MBNL2: variants seen among roughly 807,000 people sequenced by gnomAD.
The protein encoded by MBNL2 is muscleblind-like protein 2.
A neutral mutation model predicts 41.9 loss-of-function variants in MBNL2; 17 were observed. The ratio of observed to expected loss-of-function variants is 0.41; its 90% CI spans 0.28 to 0.61. The LOEUF is 0.61. MBNL2 is among the 20% of genes least tolerant of loss of function. The probability of loss-of-function intolerance (pLI) is 0.35; values close to 1 mark genes in which losing one functional copy is unlikely to be tolerated. For missense variants in MBNL2, 336 were observed against 505.6 expected (o/e 0.66, Z 3.22); for synonymous variants, 195 against 182.9 (o/e 1.07, Z -0.53).
rs1354368983 is a variant in MBNL2 at position 97,391,711 on chromosome 13, T to C, written c.*262T>C. 3.0e-6 allele frequency: 1 copy of C among 330,884 alleles called. No homozygotes were observed. The highest frequency in any genetic ancestry group is 5.1e-5 in the Admixed American group (1 of 19,448). The allele number at this position is 330,884 out of a possible 1,614,324, so 20.5% of individuals were successfully genotyped here. On this transcript the variant is annotated 3_prime_UTR_variant, in exon 9 of 9. Coordinates refer to ENST00000679496, the MANE Select transcript of MBNL2 (RefSeq NM_001382683.1). Reference sequence around the variant, plus strand: ...GTCCAGCCAGTTTACTCATTTCGATTCAGAATATTTCAAATTTAGCAATAA... The same window carrying C: ...GTCCAGCCAGTTTACTCATTTCGATCCAGAATATTTCAAATTTAGCAATAA...
In MBNL2 at chr13:97,255,203, G is replaced by A. The variant is rs1160468751; in HGVS notation, c.-604-20429G>A. On this transcript the variant is annotated intron_variant, in intron 1 of 8. Coordinates refer to ENST00000679496, the MANE Select transcript of MBNL2 (RefSeq NM_001382683.1). ...AAGTTTTTCCACTGAAGCACCCTTA[G>A]AGCAGAGCAGAGTTAGAAGAACTGA... is the stretch of plus-strand genomic sequence containing the variant. Among the ~76,000 whole-genome samples the A allele has an allele frequency of 2.0e-5, 3 of 152,150 alleles. No homozygotes were observed. In the South Asian group the frequency reaches 6.2e-4, roughly 32 times the overall value.
chr13:97,253,195 A>G (rs1262205292), intron 1 of MBNL2, among the ~76,000 whole-genome samples: 6 of 152,224 alleles, frequency 3.9e-5, no homozygotes, highest in African/African-American at 1.2e-4. Flanking sequence ...AAATTGATAT[A>G]TACATTTAAA....
At chr13:97,242,186 C>T (rs2044425410) in intron 1 of MBNL2, among the ~76,000 whole-genome samples, 1 of 152,180 alleles carries the variant, frequency 6.6e-6, no homozygotes, top group Non-Finnish European at 1.5e-5. Flanking sequence ...ACTTCAATTA[C>T]AAAATGTGTC....
intron 1 of MBNL2, among the ~76,000 whole-genome samples, chr13:97,232,002 C>A (rs2042449647): frequency 1.3e-5 from 2 of 152,118 alleles, no homozygotes; most frequent in Admixed American, 6.5e-5. Context: ...TCCTCATCTC[C>A]AAAGAATGTG....
the MBNL2 span, among the ~76,000 whole-genome samples, chr13:97,177,976 G>C: frequency 6.6e-6 from 1 of 152,144 alleles, no homozygotes; most frequent in African/African-American, 2.4e-5. Flanking sequence ...AGACATTTGA[G>C]ATTTCAAAAA....
At chr13:97,347,622 A>G (rs1405318303) in intron 5 of MBNL2, among the ~76,000 whole-genome samples, 1 of 152,220 alleles carries the variant, frequency 6.6e-6, no homozygotes, top group Non-Finnish European at 1.5e-5. Context: ...CAGAATAGCA[A>G]TGCATGAAAC....
chr13:97,212,496 T>C, the MBNL2 span, among the ~76,000 whole-genome samples: 1 of 152,158 alleles, frequency 6.6e-6, no homozygotes, highest in Non-Finnish European at 1.5e-5. Flanking sequence ...TCTTTGCACT[T>C]AGCACCTTCT....
At chr13:97,303,666 A>C (rs1016354752) in intron 2 of MBNL2, among the ~76,000 whole-genome samples, 1 of 152,262 alleles carries the variant, frequency 6.6e-6, no homozygotes, top group Non-Finnish European at 1.5e-5. Flanking sequence ...CTCCGGTGGC[A>C]GAATGCCCCA....
At chr13:97,224,854 CGTT>C (rs952777373) in intron 1 of MBNL2, among the ~76,000 whole-genome samples, 47 of 152,286 alleles carry the variant, frequency 3.1e-4, no homozygotes, top group African/African-American at 9.9e-4. Flanking sequence ...GAAATCAAAG[CGTT>C]GTTGTTTGCA....
the MBNL2 span, among the ~76,000 whole-genome samples, chr13:97,182,192 G>A: frequency 6.6e-6 from 1 of 152,182 alleles, no homozygotes; most frequent in African/African-American, 2.4e-5. Context: ...TCCTATGGAT[G>A]CTGCCTTGCA....
intron 2 of MBNL2, among the ~76,000 whole-genome samples, chr13:97,284,683 C>G (rs2054088502): frequency 1.3e-5 from 2 of 152,176 alleles, no homozygotes; most frequent in African/African-American, 2.4e-5. Flanking sequence ...ACACTGTAGT[C>G]TAAGTCAATT....
rs549783084 is a variant in MBNL2, at chr13:97,316,865, G to C, written c.175-17411G>C. 6.6e-5 allele frequency among the ~76,000 whole-genome samples: 10 copies of C among 152,292 alleles called. No individual in the cohort carries two copies. The East Asian group carries it at 1.9e-3, about 29-fold the overall frequency. On this transcript the variant is annotated intron_variant, in intron 2 of 8. Coordinates refer to ENST00000679496, the MANE Select transcript of MBNL2 (RefSeq NM_001382683.1). Reference sequence around the variant, plus strand: ...GCTTATTGTCTGTCTCCCCTAACTAGAAGCTAAGTTCTGTGTGGACAGGGC... The same window carrying C: ...GCTTATTGTCTGTCTCCCCTAACTACAAGCTAAGTTCTGTGTGGACAGGGC...
chr13:97,317,854 T>C (rs2059187538), intron 2 of MBNL2, among the ~76,000 whole-genome samples: 1 of 152,268 alleles, frequency 6.6e-6, no homozygotes. Context: ...ATATTATACT[T>C]AAATATTACT....
intron 1 of MBNL2, among the ~76,000 whole-genome samples, chr13:97,259,739 G>A (rs1007794449): frequency 2.0e-5 from 3 of 152,178 alleles, no homozygotes; most frequent in Non-Finnish European, 4.4e-5. Flanking sequence ...GGGCCTCTCT[G>A]TTTTAAAGCT....
intron 7 of MBNL2, among the ~76,000 whole-genome samples, chr13:97,361,685 C>T (rs568625372): frequency 6.7e-6 from 1 of 149,846 alleles, no homozygotes; most frequent in South Asian, 2.1e-4. Flanking sequence ...ATGCATGGCA[C>T]AGCAAAGCTC....
intron 1 of MBNL2, among the ~76,000 whole-genome samples, chr13:97,266,625 A>G (rs1008852704): frequency 2.0e-5 from 3 of 152,396 alleles, no homozygotes; most frequent in African/African-American, 7.2e-5. Context: ...ATCAACAGAG[A>G]GAGCACATTG....
At chr13:97,303,402 A>G (rs1467124437) in intron 2 of MBNL2, among the ~76,000 whole-genome samples, 1 of 152,140 alleles carries the variant, frequency 6.6e-6, no homozygotes, top group African/African-American at 2.4e-5. Context: ...AGGACCAGCA[A>G]AATCATGGAG....
rs755097486 is a variant in MBNL2 at position 97,357,774 on chromosome 13, A to G, written c.1012+139A>G. On this transcript the variant is annotated intron_variant, in intron 7 of 8. Coordinates refer to ENST00000679496, the MANE Select transcript of MBNL2 (RefSeq NM_001382683.1). The stretch of plus-strand genomic sequence containing the variant: ...AAATTCATCGTTGTCCTAGCTATCT[A>G]AATGTATTTACCTTACTTTGAATGA... 1.2e-5 allele frequency: 10 copies of G among 848,040 alleles called. No individual in the cohort carries two copies. The South Asian group carries it at 1.4e-4, about 11-fold the overall frequency. 52.5% of individuals were successfully genotyped at this position (848,040 alleles called of 1,614,324 possible).
At chr13:97,247,713 A>G (rs1397831634) in intron 1 of MBNL2, among the ~76,000 whole-genome samples, 1 of 152,248 alleles carries the variant, frequency 6.6e-6, no homozygotes, top group Non-Finnish European at 1.5e-5. Flanking sequence ...GTTAATTAGC[A>G]ATATCATTTA....
Sources: gnomAD v4.1 joint callset for allele counts (sites outside exome capture counted in the v4.1 genomes callset) on GRCh38, gnomAD v4.1.1 for gene constraint, MANE v1.5 for transcripts, NCBI Gene and HGNC (gene_info 2026-07-23, HGNC 2026-07-21) for gene names.